The following LPA variants were observed in gnomAD, a reference collection of about 807,000 sequenced individuals.
LPA encodes apolipoprotein(a).
In LPA, 199 loss-of-function variants were observed where a neutral mutation model predicts 197.9. That is an observed-to-expected ratio of 1.01 (90% confidence interval 0.90 to 1.13). LPA has a LOEUF of 1.13. Ranked by LOEUF, LPA falls within the 50% of genes most tolerant of loss-of-function variation. The pLI is 0.00. For missense variants in LPA, 1,853 were observed against 1,785.8 expected (o/e 1.04, Z -0.68); for synonymous variants, 715 against 639.5 (o/e 1.12, Z -1.78).
In LPA at chr6:160,570,944, G is replaced by A. The variant is rs148355211; in HGVS notation, c.4631+6192C>T. 4.7e-3 allele frequency among the ~76,000 whole-genome samples: 712 copies of A among 152,214 alleles called. 6 individuals are homozygous for A. The highest frequency in any genetic ancestry group is 0.016 in the African/African-American group (678 of 41,536). On this transcript the variant is annotated intron_variant, in intron 28 of 38. Coordinates refer to ENST00000316300, the MANE Select transcript of LPA (RefSeq NM_005577.4). ...CTTGCTAGGTTGGGGAAGTTCTCCT[G>A]GATAATATCCTGAAGAGTGTTTTCC...
At chr6:160,589,090 G>T (rs1045555145) in intron 24 of LPA, among the ~76,000 whole-genome samples, 2 of 152,118 alleles carry the variant, frequency 1.3e-5, no homozygotes, top group Non-Finnish European at 2.9e-5. Flanking sequence ...AACCCAATGT[G>T]TTTATACAGG....
chr6:160,563,786 C>G (rs1268686304), intron 28 of LPA, among the ~76,000 whole-genome samples: 2 of 152,228 alleles, frequency 1.3e-5, no homozygotes, highest in Non-Finnish European at 2.9e-5. Context: ...GTCAGATCTT[C>G]TTGTTGCATT....
chr6:160,565,093 G>A (rs1778427897), intron 28 of LPA, among the ~76,000 whole-genome samples: 2 of 152,324 alleles, frequency 1.3e-5, no homozygotes, highest in South Asian at 2.1e-4. Flanking sequence ...TCCACCTCTG[G>A]GGGCAGGGCA....
chr6:160,540,976 G>A, intron 35 of LPA, 131 bp downstream of exon 35: 1 of 778,442 alleles, frequency 1.3e-6, no homozygotes, highest in Non-Finnish European at 2.2e-6. Context: ...GGTTCCTAGT[G>A]TTCCTTCCAG....
chr6:160,542,604 T>A (rs1777998301), intron 34 of LPA, 84 bp downstream of exon 34: 18 of 1,595,518 alleles, frequency 1.1e-5, no homozygotes, highest in Non-Finnish European at 1.5e-5. Flanking sequence ...ATGCATCAGC[T>A]GTGTGGGTTC....
chr6:160,552,295 G>T (rs1778179253), intron 30 of LPA, among the ~76,000 whole-genome samples: 1 of 152,022 alleles, frequency 6.6e-6, no homozygotes, highest in Non-Finnish European at 1.5e-5. Flanking sequence ...TCCAAAAAAG[G>T]ACTGTTGCAA....
intron 34 of LPA, among the ~76,000 whole-genome samples, chr6:160,542,472 G>T (rs1206093725): frequency 2.0e-5 from 3 of 152,156 alleles, no homozygotes; most frequent in Admixed American, 2.0e-4. Context: ...TGATGGAACT[G>T]CCCAGATCAA....
At position 160,646,220 on chromosome 6, in the gene LPA, C is replaced by CATTAAAAAAA. The variant is rs1457510235; in HGVS notation, c.384_385insTTTTTTTAAT (p.Glu129PhefsTer3). On this transcript the variant is annotated stop_gained and frameshift_variant, in exon 3 of 39. Coordinates refer to ENST00000316300, the MANE Select transcript of LPA (RefSeq NM_005577.4). LOFTEE classifies it high-confidence loss of function. ...CTGGCCACAGACTCCTTACCTTGTT[C>CATTAAAAAAA]GGAAGGAGCCTCTAGGCTTGGAACC... The CATTAAAAAAA allele has an allele frequency of 4.4e-5, 1 of 22,796 alleles. No homozygotes were observed. Among genetic ancestry groups the CATTAAAAAAA allele is most frequent in the South Asian group, 2.8e-4 (1 of 3,560 alleles). The allele number at this position is 22,796 out of a possible 1,614,324, so 1.4% of individuals were successfully genotyped here. A position where few individuals can be genotyped will look rare whatever the true frequency, so the allele number is the denominator to read the frequency against.
chr6:160,540,273 C>T (rs1562314705), intron 35 of LPA, 90 bp from the exon 36 acceptor site: 1 of 1,442,394 alleles, frequency 6.9e-7, no homozygotes, highest in African/African-American at 1.4e-5. Flanking sequence ...CCCTCTGACA[C>T]CCTCGGCCAC....
intron 28 of LPA, among the ~76,000 whole-genome samples, chr6:160,572,861 C>A (rs1334741546): frequency 6.6e-6 from 1 of 152,138 alleles, no homozygotes; most frequent in Admixed American, 6.5e-5. Context: ...CTTAACTTTG[C>A]ATAACCTGAT....
chr6:160,570,971 A>C (rs906820645), intron 28 of LPA, among the ~76,000 whole-genome samples: 1 of 152,172 alleles, frequency 6.6e-6, no homozygotes. Flanking sequence ...GTGTTTTCCA[A>C]CTTGGTTCCA....
chr6:160,576,908 C>T (rs929628754), intron 28 of LPA, among the ~76,000 whole-genome samples: 6 of 151,866 alleles, frequency 4.0e-5, no homozygotes, highest in South Asian at 2.1e-4. Context: ...AATATGACTT[C>T]GCCACTTCCG....
chr6:160,605,420 A>G (rs553472221), intron 17 of LPA, among the ~76,000 whole-genome samples: 1 of 152,344 alleles, frequency 6.6e-6, no homozygotes, highest in Non-Finnish European at 1.5e-5. Flanking sequence ...CAAATTCCTA[A>G]CACTTTAGAA....
At chr6:160,602,283 A>G (rs1459083748) in intron 18 of LPA, among the ~76,000 whole-genome samples, 1 of 152,138 alleles carries the variant, frequency 6.6e-6, no homozygotes, top group East Asian at 1.9e-4. Flanking sequence ...AATATCCCTC[A>G]GAATTCAAAA....
intron 26 of LPA, among the ~76,000 whole-genome samples, chr6:160,580,328 TAG>T (rs1464716630): frequency 7.1e-6 from 1 of 140,414 alleles, no homozygotes; most frequent in African/African-American, 3.3e-5. Context: ...AACATTGAAA[TAG>T]TTTTTATTTT....
intron 1 of LPA, among the ~76,000 whole-genome samples, chr6:160,659,020 A>G (rs879353966): frequency 1.3e-5 from 2 of 152,152 alleles, no homozygotes; most frequent in Non-Finnish European, 2.9e-5. Context: ...CAAGATTACA[A>G]GGTCCCATAA....
intron 27 of LPA, among the ~76,000 whole-genome samples, chr6:160,578,200 T>C (rs1778720964): frequency 6.6e-6 from 1 of 152,198 alleles, no homozygotes; most frequent in Non-Finnish European, 1.5e-5. Flanking sequence ...CTTGGAAATC[T>C]TCACATATTT....
intron 19 of LPA, 128 bp downstream of exon 19, chr6:160,600,789 C>T: frequency 1.8e-6 from 2 of 1,084,004 alleles, no homozygotes; most frequent in Non-Finnish European, 2.8e-6. Context: ...AAGGCTTCCT[C>T]CCACATGGCA....
At chr6:160,579,294 T>A (rs1778745772) in intron 26 of LPA, among the ~76,000 whole-genome samples, 1 of 152,158 alleles carries the variant, frequency 6.6e-6, no homozygotes, top group Non-Finnish European at 1.5e-5. Context: ...CTATAAATAC[T>A]GTATCTGGTA....
Sources: allele counts gnomAD v4.1 joint callset (sites outside exome capture counted in the v4.1 genomes callset), GRCh38; gene constraint gnomAD v4.1.1; transcripts MANE v1.5; gene names NCBI Gene and HGNC (gene_info 2026-07-23, HGNC 2026-07-21).